GNG7: variants seen among roughly 807,000 people sequenced by gnomAD.
GNG7 encodes the protein G protein subunit gamma 7, also known as guanine nucleotide-binding protein G(I)/G(S)/G(O) subunit gamma-7.
A neutral mutation model predicts 4.0 loss-of-function variants in GNG7; 1 was observed. That is an observed-to-expected ratio of 0.25 (90% CI 0.09 to 1.18). The LOEUF is 1.18. Among genes scored for constraint, GNG7 ranks in the 50% most tolerant of loss-of-function variants. The pLI is 0.50. For missense variants in GNG7, 86 were observed against 91.9 expected, an observed-to-expected ratio of 0.94 and a Z score of 0.26; for synonymous variants, 34 against 36.9, an observed-to-expected ratio of 0.92 and a Z score of 0.29.
At chr19:2,687,771 C>T (rs1001288090) in intron 1 of GNG7, among the ~76,000 whole-genome samples, 3 of 150,496 alleles carry the variant, frequency 2.0e-5, no homozygotes, top group East Asian at 1.9e-4. Context: ...GTCAGGAGTT[C>T]GAGACCAGCC....
In GNG7 at chr19:2,695,638, C is replaced by A. The variant is rs555781880; in HGVS notation, c.-135+7008G>T. On this transcript the variant is annotated intron_variant, in intron 1 of 4. Coordinates refer to ENST00000382159, the MANE Select transcript of GNG7 (RefSeq NM_052847.3). ...GTACTTGAAGGGTCAGAGGGCAGGG[C>A]CAGGCCATGCAGGACCCTGAAGACC... Among the ~76,000 whole-genome samples the A allele has an allele frequency of 9.9e-5, 15 of 151,870 alleles. 1 individual carries two copies. In the South Asian group the frequency reaches 3.1e-3, roughly 32 times the overall value.
chr19:2,643,730 G>A (rs1473322304), intron 2 of GNG7: 17 of 434,834 alleles, frequency 3.9e-5, no homozygotes, highest in Admixed American at 3.2e-4. Context: ...CACACCCTGC[G>A]ATGCACACTG....
At chr19:2,565,627 G>A (rs1288467311) in intron 2 of GNG7, among the ~76,000 whole-genome samples, 1 of 152,034 alleles carries the variant, frequency 6.6e-6, no homozygotes, top group Admixed American at 6.6e-5. Flanking sequence ...GAACCAGTTC[G>A]CCCAGGGTTC....
rs961898912 is a variant in GNG7, at chr19:2,553,939, ATATAT to A, written c.-38+1205_-38+1209del. On this transcript the variant is annotated intron_variant, in intron 3 of 4. Transcript: ENST00000382159. ...TATTGCATGTAATATATTGTATGTA[ATATAT>A]TATATGTAATATATATTACACATAT... Among the ~76,000 whole-genome samples, 188 of 143,880 alleles carry A rather than the reference ATATAT, an allele frequency of 1.3e-3. 1 individual carries two copies. The highest frequency in any genetic ancestry group is 4.2e-3 in the African/African-American group (161 of 38,168). The allele number at this position is 143,880 out of a possible 152,430, so 94.4% of individuals were successfully genotyped here. A position where few individuals can be genotyped will look rare whatever the true frequency, so the allele number is the denominator to read the frequency against.
Position 2,520,671 on chromosome 19 carries a change from G to T in GNG7, c.18C>A (p.Asn6Lys). MSATN[N>K]IAQARKLVEQ... is the part of the protein sequence containing the mutation. ...CCACCAGCTTCCGGGCCTGGGCTAT[G>T]TTGTTAGTGGCTGACATTGTCTGCC... The change falls in exon 4 of 5, where the codon AAC (asparagine) becomes AAA (lysine). Residue 6 changes from asparagine (N) to lysine (K), a missense_variant. By Grantham distance (94) the Asn-to-Lys change is moderately conservative. Transcript: ENST00000382159. 1 of 1,546,676 alleles carries T rather than the reference G, an allele frequency of 6.5e-7. No individual in the cohort carries two copies. Among genetic ancestry groups the T allele is most frequent in the Non-Finnish European group, 8.8e-7 (1 of 1,141,088 alleles).
rs946649545 is a variant in GNG7 at position 2,618,495 on chromosome 19, C to T, written c.-78+27729G>A. ...TCCCAAGTAGCTGGGATTACAGGCA[C>T]GTGCCACCACACCCACCTAATTTTT... On this transcript the variant is annotated intron_variant, in intron 2 of 4. Transcript: ENST00000382159. This position sits in a 1 kb window ranked among gnomAD's most constrained non-coding sequence, Gnocchi z 5.1. 2.0e-5 allele frequency among the ~76,000 whole-genome samples: 3 copies of T among 151,984 alleles called. No homozygotes were observed. The South Asian group carries it at 6.2e-4, about 32-fold the overall frequency.
At chr19:2,661,566 G>T (rs549267262) in intron 1 of GNG7, among the ~76,000 whole-genome samples, 1 of 151,618 alleles carries the variant, frequency 6.6e-6, no homozygotes, top group South Asian at 2.1e-4. Context: ...TCAGCTACTC[G>T]GGAGGCTGAG....
intron 3 of GNG7, chr19:2,537,989 A>T (rs907896764): frequency 6.4e-5 from 24 of 375,084 alleles, no homozygotes; most frequent in South Asian, 4.6e-4. Flanking sequence ...AGGTGGGAGA[A>T]TTGCTTGAAC....
At chr19:2,670,743 G>A (rs1195190516) in intron 1 of GNG7, among the ~76,000 whole-genome samples, 3 of 152,180 alleles carry the variant, frequency 2.0e-5, no homozygotes, top group East Asian at 1.9e-4. Context: ...TCCATGCCAG[G>A]AGCCCTCGCC....
At chr19:2,537,694 A>G (rs570753416) in intron 3 of GNG7, among the ~76,000 whole-genome samples, 5 of 151,584 alleles carry the variant, frequency 3.3e-5, no homozygotes, top group Admixed American at 3.3e-4. Context: ...GTGAAGCTGG[A>G]GGCGGGAAAC....
chr19:2,701,786 CCT>C (rs936422344), intron 1 of GNG7, among the ~76,000 whole-genome samples: 2 of 151,382 alleles, frequency 1.3e-5, no homozygotes, highest in African/African-American at 2.4e-5. Context: ...TGACTCAACC[CCT>C]GTTCCCCGCT....
chr19:2,688,098 A>C (rs1486102686), intron 1 of GNG7, among the ~76,000 whole-genome samples: 1 of 151,984 alleles, frequency 6.6e-6, no homozygotes, highest in Non-Finnish European at 1.5e-5. Flanking sequence ...TAAAAATAAC[A>C]AAAAATTAGC....
chr19:2,643,803 A>G (rs1285851351), intron 2 of GNG7: 2 of 373,008 alleles, frequency 5.4e-6, no homozygotes, highest in Admixed American at 6.6e-5. Context: ...CAGCTATGCA[A>G]CCATCAGCAT....
chr19:2,575,984 C>CACAG (rs1980323158), intron 2 of GNG7, among the ~76,000 whole-genome samples: 1 of 79,048 alleles, frequency 1.3e-5, no homozygotes, highest in African/African-American at 1.6e-4. Flanking sequence ...TGCAGGCAGA[C>CACAG]ACACACATGC....
intron 2 of GNG7, among the ~76,000 whole-genome samples, chr19:2,587,535 C>T (rs1006766204): frequency 6.6e-6 from 1 of 152,116 alleles, no homozygotes; most frequent in Admixed American, 6.6e-5. Flanking sequence ...GGACAACAGC[C>T]GGCGTCAGCT....
intron 2 of GNG7, among the ~76,000 whole-genome samples, chr19:2,623,830 G>A (rs1192734985): frequency 2.0e-5 from 3 of 152,124 alleles, no homozygotes; most frequent in Non-Finnish European, 2.9e-5. Context: ...GCAGTGAGCC[G>A]AGGTCGCACC....
chr19:2,602,350 A>G (rs527523371), intron 2 of GNG7, among the ~76,000 whole-genome samples: 6 of 149,456 alleles, frequency 4.0e-5, no homozygotes, highest in Admixed American at 2.7e-4. Flanking sequence ...ACAACAACAG[A>G]AAAAGCAGCA....
At position 2,557,149 on chromosome 19, in the gene GNG7, T is replaced by C. The variant is rs1434241841; in HGVS notation, c.-77-1961A>G. On this transcript the variant is annotated intron_variant, in intron 2 of 4. Transcript: ENST00000382159. The surrounding 1 kb of genome is among the most constrained non-coding windows in gnomAD (Gnocchi z 5.1). Reference sequence around the variant, plus strand: ...CACGTGTACTGCACACTCACGCACATGCACACAAAGACACGCGCACACACG... The same window carrying C: ...CACGTGTACTGCACACTCACGCACACGCACACAAAGACACGCGCACACACG... Among the ~76,000 whole-genome samples the C allele has an allele frequency of 6.7e-6, 1 of 148,480 alleles. No homozygotes were observed. Among genetic ancestry groups the C allele is most frequent in the Non-Finnish European group, 1.5e-5 (1 of 67,406 alleles).
At position 2,514,986 on chromosome 19, in the gene GNG7, A is replaced by AAGAGAG; in HGVS notation, c.*30_*35dup. The AAGAGAG allele has an allele frequency of 1.0e-5, 11 of 1,055,066 alleles. No homozygotes were observed. Among genetic ancestry groups the AAGAGAG allele is most frequent in the Non-Finnish European group, 1.5e-5 (11 of 757,348 alleles). 65.4% of individuals were successfully genotyped at this position (1,055,066 alleles called of 1,614,324 possible). Reference sequence around the variant, plus strand: ...ACAGAGACAGAGAGAGAGAGAGAGAAAGAGAGAGAGAGAGAGAGAACATAT... The same window carrying AAGAGAG: ...ACAGAGACAGAGAGAGAGAGAGAGAAAGAGAGAGAGAGAGAGAGAGAGAGAACATAT... On this transcript the variant is annotated 3_prime_UTR_variant, in exon 5 of 5. Transcript: ENST00000382159.
Sources: allele counts gnomAD v4.1 joint callset (sites outside exome capture counted in the v4.1 genomes callset), GRCh38; gene constraint gnomAD v4.1.1; non-coding constraint Gnocchi (gnomAD v3.1); transcripts MANE v1.5; gene names NCBI Gene and HGNC (gene_info 2026-07-23, HGNC 2026-07-21).